Variants in EML2 observed in about 807,000 individuals in gnomAD.
The protein encoded by EML2 is echinoderm microtubule-associated protein-like 2.
A neutral mutation model predicts 84.7 loss-of-function variants in EML2; 59 were observed. The ratio of observed to expected loss-of-function variants is 0.70; its 90% CI spans 0.56 to 0.86. The LOEUF is 0.86. EML2 is among the 40% of genes least tolerant of loss of function. EML2 has a pLI of 0.00. For missense variants in EML2, 818 were observed against 855.6 expected (o/e 0.96, Z 0.55); for synonymous variants, 352 against 348.9 (o/e 1.01, Z -0.10).
upstream of EML2, chr19:45,645,274 G>T (rs1328007784): frequency 2.6e-6 from 4 of 1,533,528 alleles, no homozygotes; most frequent in Admixed American, 5.9e-5. Context: ...GGGTCTCACC[G>T]TTGCAGTATC....
At position 45,626,824 on chromosome 19, in the gene EML2, C is replaced by T. The variant is rs1220553204; in HGVS notation, c.622G>A (p.Val208Ile). The T allele has an allele frequency of 1.9e-6, 3 of 1,613,478 alleles. No homozygotes were observed. Among genetic ancestry groups the T allele is most frequent in the South Asian group, 1.1e-5 (1 of 91,032 alleles). The change falls in exon 8 of 19, where the codon GTA (valine) becomes ATA (isoleucine). Residue 208 changes from valine (V) to isoleucine (I), a missense_variant. Val to Ile is a conservative substitution (Grantham distance 29). Coordinates refer to ENST00000245925, the MANE Select transcript of EML2 (RefSeq NM_012155.4). ...GTGGGGTGGAAGGTGGCCACCAATA[C>T]AGCCTCATTGGAGCACTTTGGGGGG... ...VVDVKCSNEA[V>I]LVATFHPTDP... is the part of the protein sequence containing the mutation.
chr19:45,614,766 T>C, intron 16 of EML2, 66 bp from the exon 17 acceptor site: 1 of 1,349,500 alleles, frequency 7.4e-7, no homozygotes, highest in East Asian at 2.3e-5. Context: ...CATCCCTTTC[T>C]TAGACAATCG....
In EML2 at chr19:45,626,792, G is replaced by A. The variant is rs377584292; in HGVS notation, c.654C>T (p.Pro218=). The A allele has an allele frequency of 7.4e-6, 12 of 1,613,690 alleles. No homozygotes were observed. The African/African-American group carries it at 1.6e-4, about 22-fold the overall frequency. The part of the protein sequence containing the change: ...VLVATFHPTD[P]TVLITCGKSH... Reference sequence around the variant, plus strand: ...ATTTCCCGCAGGTGATAAGCACAGTGGGGTCCGTGGGGTGGAAGGTGGCCA... The same window carrying A: ...ATTTCCCGCAGGTGATAAGCACAGTAGGGTCCGTGGGGTGGAAGGTGGCCA... Residue 218 remains proline (P), a synonymous_variant, in exon 8 of 19, where the codon CCC becomes CCT. Transcript: ENST00000245925.
chr19:45,630,339 G>A (rs979177496), intron 6 of EML2, among the ~76,000 whole-genome samples: 1 of 151,334 alleles, frequency 6.6e-6, no homozygotes, highest in Non-Finnish European at 1.5e-5. Context: ...GGATCACGAG[G>A]TCAGGAGTTC....
chr19:45,632,559 C>T (rs898962592), intron 6 of EML2: 2 of 307,916 alleles, frequency 6.5e-6, no homozygotes, highest in African/African-American at 4.3e-5. Context: ...CTCCAAATTC[C>T]TAAAGGCATA....
chr19:45,613,779 A>T (rs1281586824), intron 17 of EML2, 108 bp from the exon 18 acceptor site: 20 of 1,381,216 alleles, frequency 1.4e-5, no homozygotes, highest in Non-Finnish European at 2.0e-5. Context: ...CCTAGCCTGT[A>T]TCTATCCGAG....
chr19:45,621,741 C>T, intron 9 of EML2, 104 bp from the exon 10 acceptor site: 11 of 1,235,556 alleles, frequency 8.9e-6, no homozygotes, highest in Non-Finnish European at 1.2e-5. Flanking sequence ...TTCTCACCCA[C>T]TTTTCCACCT....
At chr19:45,635,234 G>A (rs1973586711) in intron 3 of EML2, among the ~76,000 whole-genome samples, 2 of 152,110 alleles carry the variant, frequency 1.3e-5, no homozygotes, top group African/African-American at 2.4e-5. Flanking sequence ...CGCCTCCTGG[G>A]TTCAAGCCAT....
upstream of EML2, chr19:45,643,674 C>T: frequency 1.3e-6 from 2 of 1,535,904 alleles, no homozygotes; most frequent in Admixed American, 2.0e-5. Context: ...GTGGAGCTCG[C>T]CCCTGCCATC....
chr19:45,614,171 C>G (rs1396210311), intron 17 of EML2, among the ~76,000 whole-genome samples: 1 of 152,144 alleles, frequency 6.6e-6, no homozygotes, highest in Admixed American at 6.6e-5. Flanking sequence ...GCCAGATGCC[C>G]CACCCTGGGT....
Position 45,621,191 on chromosome 19 carries a change from G to C in EML2, c.1122+16C>G, listed in dbSNP as rs777896052. 1 of 1,612,640 alleles carries C rather than the reference G, an allele frequency of 6.2e-7. No homozygotes were observed. The highest frequency in any genetic ancestry group is 1.7e-5 in the Admixed American group (1 of 59,964). ...GAGCTGGGAAGAGGGGAGGGGTGCA[G>C]AGGAGAGAGGCGCACCTGGACCAGC... is the stretch of plus-strand genomic sequence containing the variant. On this transcript the variant is annotated intron_variant, in intron 11 of 18. Transcript: ENST00000245925.
intron 3 of EML2, among the ~76,000 whole-genome samples, chr19:45,637,667 C>CTTTTTTTTTTTTTTTTTTTTTTTT (rs58180181): frequency 6.1e-5 from 3 of 48,916 alleles, no homozygotes; most frequent in Admixed American, 2.5e-4. Flanking sequence ...TTTTTCTTTT[C>CTTTTTTTTTTTTTTTTTTTTTTTT]TTTTTTTTTT....
chr19:45,616,734 G>T, intron 14 of EML2, 31 bp downstream of exon 14: 2 of 1,596,700 alleles, frequency 1.3e-6, no homozygotes, highest in Non-Finnish European at 1.7e-6. Flanking sequence ...CCCTGGCCCT[G>T]CCGCTTGGGT....
chr19:45,624,035 C>T (rs1026451951), intron 9 of EML2, among the ~76,000 whole-genome samples: 3 of 152,202 alleles, frequency 2.0e-5, no homozygotes, highest in African/African-American at 7.2e-5. Flanking sequence ...GCAAGTATTT[C>T]TTCACCCAAC....
chr19:45,643,771 T>C (rs1409151243), upstream of EML2: 2 of 1,486,004 alleles, frequency 1.3e-6, no homozygotes, highest in African/African-American at 2.8e-5. Flanking sequence ...CCCAATCGCC[T>C]GCCGAGGCTT....
upstream of EML2, chr19:45,645,402 G>A: frequency 6.7e-7 from 1 of 1,489,076 alleles, no homozygotes; most frequent in Non-Finnish European, 8.9e-7. Context: ...CCCCAACCAG[G>A]CCCTGCCTCC....
chr19:45,624,732 A>G lies in EML2; in HGVS notation c.828T>C (p.Tyr276=), dbSNP rs772329701. 20 of 1,613,628 alleles carry G rather than the reference A, an allele frequency of 1.2e-5. No homozygotes were observed. Among genetic ancestry groups the G allele is most frequent in the African/African-American group, 6.7e-5 (5 of 74,906 alleles). Reference sequence around the variant, plus strand: ...GGTGACACTGACCTTTGCCCCAAACATAGAGGTTCCCCCCAGAGTCCCCCG... The same window carrying G: ...GGTGACACTGACCTTTGCCCCAAACGTAGAGGTTCCCCCCAGAGTCCCCCG... The part of the protein sequence containing the change: ...VVTGDSGGNL[Y]VWGKGGNRIT... The change falls in exon 9 of 19, where the codon TAT becomes TAC. Residue 276 remains tyrosine, a synonymous_variant. Coordinates refer to ENST00000245925, the MANE Select transcript of EML2 (RefSeq NM_012155.4).
At chr19:45,642,380 G>T, upstream of EML2, 1 of 1,524,188 alleles carries the variant, frequency 6.6e-7, no homozygotes, top group South Asian at 1.2e-5. Context: ...GCCGGCTGCA[G>T]GGCCACCCAG....
In EML2 at chr19:45,630,115, C is replaced by A; in HGVS notation, c.511-69G>T. ...AGGGCCCATCCTCCCCCCATGCCCA[C>A]CAAGGCATTCACCACACAGGCCTGT... is the stretch of plus-strand genomic sequence containing the variant. On this transcript the variant is annotated intron_variant, in intron 6 of 18. Transcript: ENST00000245925. 2.6e-6 allele frequency: 3 copies of A among 1,139,378 alleles called. No homozygotes were observed. In the Admixed American group the frequency reaches 5.4e-5, roughly 21 times the overall value. The allele number at this position is 1,139,378 out of a possible 1,614,324, so 70.6% of individuals were successfully genotyped here.
Sources: allele counts gnomAD v4.1 joint callset (sites outside exome capture counted in the v4.1 genomes callset), GRCh38; gene constraint gnomAD v4.1.1; transcripts MANE v1.5; gene names NCBI Gene and HGNC (gene_info 2026-07-23, HGNC 2026-07-21).